Variants in ST6GALNAC3 observed in about 807,000 individuals in gnomAD.
ST6GALNAC3 encodes alpha-N-acetylgalactosaminide alpha-2,6-sialyltransferase 3.
A neutral mutation model predicts 32.7 loss-of-function variants in ST6GALNAC3; 25 were observed. That is an observed-to-expected ratio of 0.76 (90% confidence interval 0.56 to 1.07). The LOEUF (loss-of-function observed/expected upper bound fraction) is 1.07, where lower values mean the gene tolerates loss of function less well. ST6GALNAC3 is among the 50% of genes least tolerant of loss of function. The pLI is 0.00. For missense variants in ST6GALNAC3, 355 were observed against 382.4 expected, an observed-to-expected ratio of 0.93 and a Z score of 0.60; for synonymous variants, 129 against 133.1, an observed-to-expected ratio of 0.97 and a Z score of 0.21.
chr1:76,338,765 C>T (rs986786028), intron 2 of ST6GALNAC3, among the ~76,000 whole-genome samples: 1 of 151,280 alleles, frequency 6.6e-6, no homozygotes, highest in African/African-American at 2.4e-5. Context: ...TTGAGAAGCC[C>T]TATTCTAGGG....
At chr1:76,278,344 C>T (rs1659300449) in intron 1 of ST6GALNAC3, among the ~76,000 whole-genome samples, 1 of 151,246 alleles carries the variant, frequency 6.6e-6, no homozygotes, top group African/African-American at 2.4e-5. Flanking sequence ...GCCTCAGCCT[C>T]CCGAGTAGCT....
chr1:76,264,889 ACTCTAGTG>A (rs1342703484), intron 1 of ST6GALNAC3, among the ~76,000 whole-genome samples: 1 of 148,064 alleles, frequency 6.8e-6, no homozygotes, highest in Non-Finnish European at 1.5e-5. Context: ...CTTGACTGTA[ACTCTAGTG>A]CTCTTTTTTT....
intron 3 of ST6GALNAC3, among the ~76,000 whole-genome samples, chr1:76,587,101 G>A (rs1646973485): frequency 6.6e-6 from 1 of 152,160 alleles, no homozygotes; most frequent in Non-Finnish European, 1.5e-5. Context: ...AGATATGAAG[G>A]CCAGTTTGGG....
At chr1:76,607,952 A>C (rs956004866) in intron 3 of ST6GALNAC3, among the ~76,000 whole-genome samples, 1 of 152,220 alleles carries the variant, frequency 6.6e-6, no homozygotes, top group South Asian at 2.1e-4. Flanking sequence ...TTTGGCAGCC[A>C]GCCTGCTGCT....
chr1:76,222,070 A>G (rs1655803837), intron 1 of ST6GALNAC3, among the ~76,000 whole-genome samples: 1 of 152,038 alleles, frequency 6.6e-6, no homozygotes, highest in Admixed American at 6.6e-5. Context: ...TGTATGTATT[A>G]TTTTTCCTTT....
intron 3 of ST6GALNAC3, among the ~76,000 whole-genome samples, chr1:76,506,651 C>T (rs912640708): frequency 1.1e-4 from 16 of 152,110 alleles, no homozygotes; most frequent in Admixed American, 8.5e-4. Context: ...AGGTAGACTG[C>T]GAAGTTTTAT....
Position 76,502,516 on chromosome 1 carries a change from G to A in ST6GALNAC3, c.623+90099G>A, listed in dbSNP as rs1456578648. On this transcript the variant is annotated intron_variant, in intron 3 of 4. Transcript: ENST00000328299. ...TGCTCTAGACCTCTCTCTTTGGCTT[G>A]TTAATGAGTCTTTTCACTATATCTC... Among the ~76,000 whole-genome samples, 5 of 152,110 alleles carry A rather than the reference G, an allele frequency of 3.3e-5. No homozygotes were observed. In the East Asian group the frequency reaches 9.7e-4, roughly 29 times the overall value.
At chr1:76,456,393 T>C (rs1233424683) in intron 3 of ST6GALNAC3, among the ~76,000 whole-genome samples, 1 of 152,092 alleles carries the variant, frequency 6.6e-6, no homozygotes, top group African/African-American at 2.4e-5. Context: ...GTTGCCCAAG[T>C]TGGAGTGCAG....
intron 1 of ST6GALNAC3, among the ~76,000 whole-genome samples, chr1:76,233,611 T>C (rs1411911706): frequency 6.6e-6 from 1 of 152,252 alleles, no homozygotes; most frequent in African/African-American, 2.4e-5. Context: ...GTAGTGCCAG[T>C]GTAATGCCTA....
At chr1:76,119,381 T>C (rs1415329065) in intron 1 of ST6GALNAC3, among the ~76,000 whole-genome samples, 1 of 152,248 alleles carries the variant, frequency 6.6e-6, no homozygotes, top group Non-Finnish European at 1.5e-5. Context: ...ATATTTACTC[T>C]ATAATGGTCC....
At chr1:76,149,677 C>CTTTTTTTTTTTT (rs1557655304) in intron 1 of ST6GALNAC3, among the ~76,000 whole-genome samples, 1 of 151,990 alleles carries the variant, frequency 6.6e-6, no homozygotes, top group African/African-American at 2.4e-5. Context: ...TCCATTGTTC[C>CTTTTTTTTTTTT]ATTGTGTATT....
intron 3 of ST6GALNAC3, among the ~76,000 whole-genome samples, chr1:76,426,771 A>G (rs1288475115): frequency 6.6e-6 from 1 of 151,946 alleles, no homozygotes; most frequent in African/African-American, 2.4e-5. Flanking sequence ...CACCACAAAC[A>G]CATGAGTAAT....
intron 2 of ST6GALNAC3, among the ~76,000 whole-genome samples, chr1:76,407,195 A>C (rs2101259405): frequency 6.6e-6 from 1 of 152,226 alleles, no homozygotes. Flanking sequence ...ACTCTAGTTG[A>C]TCATGAAACT....
intron 3 of ST6GALNAC3, among the ~76,000 whole-genome samples, chr1:76,580,221 A>T (rs80354408): frequency 6.6e-6 from 1 of 152,076 alleles, no homozygotes; most frequent in Admixed American, 6.6e-5. Flanking sequence ...ATCCCTGTTG[A>T]TGCTCAAATT....
At chr1:76,213,689 C>T (rs1247371819) in intron 1 of ST6GALNAC3, among the ~76,000 whole-genome samples, 1 of 152,130 alleles carries the variant, frequency 6.6e-6, no homozygotes, top group African/African-American at 2.4e-5. Context: ...GGTGAACATG[C>T]AATCTTTTAG....
At chr1:76,309,381 C>G (rs939903372) in intron 1 of ST6GALNAC3, among the ~76,000 whole-genome samples, 19 of 152,206 alleles carry the variant, frequency 1.2e-4, no homozygotes, top group African/African-American at 4.3e-4. Context: ...GTGAGACATG[C>G]ATGTATATCA....
intron 2 of ST6GALNAC3, among the ~76,000 whole-genome samples, chr1:76,395,438 G>A (rs1309390896): frequency 6.6e-6 from 1 of 152,062 alleles, no homozygotes; most frequent in Non-Finnish European, 1.5e-5. Flanking sequence ...TCCTACTACT[G>A]GGTAGTTCTC....
chr1:76,332,896 T>G (rs1339817530), intron 2 of ST6GALNAC3, among the ~76,000 whole-genome samples: 1 of 152,164 alleles, frequency 6.6e-6, no homozygotes, highest in African/African-American at 2.4e-5. Flanking sequence ...TCTGATTGTC[T>G]TCTTCTTGTT....
intron 1 of ST6GALNAC3, among the ~76,000 whole-genome samples, chr1:76,250,801 A>G (rs1376045481): frequency 6.9e-6 from 1 of 145,456 alleles, no homozygotes; most frequent in Non-Finnish European, 1.6e-5. Flanking sequence ...AAAAATACAC[A>G]TACAAAATAA....
Sources: allele counts gnomAD v4.1 joint callset (sites outside exome capture counted in the v4.1 genomes callset), GRCh38; gene constraint gnomAD v4.1.1; transcripts MANE v1.5; gene names NCBI Gene and HGNC (gene_info 2026-07-23, HGNC 2026-07-21).